PTPRN2: variants seen among roughly 807,000 people sequenced by gnomAD.
PTPRN2 encodes the protein protein tyrosine phosphatase receptor type N2, also known as receptor-type tyrosine-protein phosphatase N2.
Under a neutral mutation model 118.8 loss-of-function variants are expected in PTPRN2, and 74 were observed. That is an observed-to-expected ratio of 0.62 (90% CI 0.52 to 0.76). PTPRN2 has a LOEUF of 0.76. PTPRN2 is among the 30% of genes least tolerant of loss of function. The probability of loss-of-function intolerance (pLI) is 0.00; values close to 1 mark genes in which losing one functional copy is unlikely to be tolerated. For missense variants in PTPRN2, 1,481 were observed against 1,394.4 expected, an observed-to-expected ratio of 1.06 and a Z score of -0.99; for synonymous variants, 641 against 608.0, an observed-to-expected ratio of 1.05 and a Z score of -0.80.
intron 5 of PTPRN2, among the ~76,000 whole-genome samples, chr7:158,179,283 T>C (rs1200970272): frequency 1.3e-5 from 2 of 152,200 alleles, no homozygotes; most frequent in African/African-American, 4.8e-5. Context: ...TTTCATATGT[T>C]GTTGCCCATT....
At chr7:157,922,580 A>T (rs1397491832) in intron 11 of PTPRN2, among the ~76,000 whole-genome samples, 1 of 103,096 alleles carries the variant, frequency 9.7e-6, no homozygotes, top group Admixed American at 1.1e-4. Context: ...TGTTCTCTTT[A>T]GTTGGACACA....
At chr7:157,643,106 C>T (rs540226131) in intron 14 of PTPRN2, among the ~76,000 whole-genome samples, 35 of 152,310 alleles carry the variant, frequency 2.3e-4, no homozygotes, top group African/African-American at 7.5e-4. Flanking sequence ...GCACTTTCAA[C>T]TTACGATGGG....
intron 2 of PTPRN2, among the ~76,000 whole-genome samples, chr7:158,318,072 G>A (rs897325683): frequency 9.2e-5 from 14 of 152,130 alleles, no homozygotes; most frequent in African/African-American, 3.4e-4. Flanking sequence ...GCCGCCTCCT[G>A]TCCGAGAGCC....
At chr7:158,334,566 T>C (rs1359516348) in intron 2 of PTPRN2, among the ~76,000 whole-genome samples, 14 of 101,140 alleles carry the variant, frequency 1.4e-4, no homozygotes, top group South Asian at 3.7e-4. Context: ...CCATAAGAGC[T>C]CTCGCCCACA....
rs180794768 is a variant in PTPRN2 at position 157,696,048 on chromosome 7, C to T, written c.1789-13111G>A. On this transcript the variant is annotated intron_variant, in intron 12 of 22. Transcript: ENST00000389418. ...AGCCCTCACCATCTACCCATGCATACTGGGTCTTGGAAGAGCCCTCACCAT... is the reference window on the plus strand; with the variant it reads ...AGCCCTCACCATCTACCCATGCATATTGGGTCTTGGAAGAGCCCTCACCAT... Among the ~76,000 whole-genome samples the T allele has an allele frequency of 2.0e-3, 290 of 143,616 alleles. 1 individual carries two copies. The highest frequency in any genetic ancestry group is 7.3e-3 in the African/African-American group (277 of 37,840). The allele number at this position is 143,616 out of a possible 152,430, so 94.2% of individuals were successfully genotyped here. A position where few individuals can be genotyped will look rare whatever the true frequency, so the allele number is the denominator to read the frequency against.
intron 11 of PTPRN2, among the ~76,000 whole-genome samples, chr7:157,955,370 T>C (rs531451550): frequency 7.1e-4 from 108 of 152,088 alleles, no homozygotes; most frequent in Non-Finnish European, 1.5e-3. Flanking sequence ...GGGAGACCTA[T>C]CTAGAATGCT....
chr7:157,603,417 G>C lies in PTPRN2; in HGVS notation c.2418+585C>G, dbSNP rs367585514. On this transcript the variant is annotated intron_variant, in intron 16 of 22. Coordinates refer to ENST00000389418, the MANE Select transcript of PTPRN2 (RefSeq NM_002847.5). This position sits in a 1 kb window ranked among gnomAD's most constrained non-coding sequence, Gnocchi z 5.4. ...CAGGCCACAGGGACTCATAACTCAC[G>C]GCACAGGAGCTGCCACCACACTCGT... 6.6e-6 allele frequency among the ~76,000 whole-genome samples: 1 copy of C among 152,148 alleles called. No individual in the cohort carries two copies.
intron 17 of PTPRN2, among the ~76,000 whole-genome samples, chr7:157,588,984 G>A (rs146190182): frequency 1.6e-4 from 25 of 152,166 alleles, no homozygotes; most frequent in African/African-American, 4.3e-4. Context: ...ATAATTTACC[G>A]TTTGTAAGTG....
intron 17 of PTPRN2, among the ~76,000 whole-genome samples, chr7:157,594,362 CGCCCGGGCTGTGGATCGCCAGGAG>C (rs1353615136): frequency 6.6e-6 from 1 of 152,138 alleles, no homozygotes; most frequent in Non-Finnish European, 1.5e-5. Context: ...GCTGCACAGG[CGCCCGGGCTGTGGATCGCCAGGAG>C]GCCCGGGCTT....
chr7:157,998,231 C>T (rs1211778170), intron 11 of PTPRN2, among the ~76,000 whole-genome samples: 2 of 152,200 alleles, frequency 1.3e-5, no homozygotes, highest in East Asian at 1.9e-4. Flanking sequence ...AGCCTCAGAG[C>T]TCTACTTTTA....
At chr7:158,541,644 T>C in intron 1 of PTPRN2, 1 of 1,346,304 alleles carries the variant, frequency 7.4e-7, no homozygotes, top group Non-Finnish European at 9.8e-7. Context: ...AAAATCTGGC[T>C]ATAATTCTAC....
intron 12 of PTPRN2, among the ~76,000 whole-genome samples, chr7:157,792,268 C>A (rs930074151): frequency 1.3e-5 from 2 of 152,254 alleles, no homozygotes; most frequent in Admixed American, 6.5e-5. Flanking sequence ...AGAGGCCAGG[C>A]GCCCGCAGCG....
chr7:157,733,087 T>C (rs1223681163), intron 12 of PTPRN2, among the ~76,000 whole-genome samples: 2 of 28,772 alleles, frequency 7.0e-5, no homozygotes, highest in Admixed American at 3.4e-4. Context: ...TACTCTTCCG[T>C]CCCATGCGCC....
At chr7:158,111,204 A>G (rs1816237498) in intron 9 of PTPRN2, among the ~76,000 whole-genome samples, 1 of 152,244 alleles carries the variant, frequency 6.6e-6, no homozygotes, top group Non-Finnish European at 1.5e-5. Context: ...GAGAAGGGAC[A>G]GGCAGGTGCG....
At chr7:158,149,599 T>A (rs1286701832) in intron 6 of PTPRN2, among the ~76,000 whole-genome samples, 1 of 152,098 alleles carries the variant, frequency 6.6e-6, no homozygotes, top group Non-Finnish European at 1.5e-5. Context: ...GGTCAGGAGT[T>A]CGAGACCAGC....
chr7:157,776,515 C>T (rs1803279229), intron 12 of PTPRN2, among the ~76,000 whole-genome samples: 3 of 134,402 alleles, frequency 2.2e-5, no homozygotes, highest in Non-Finnish European at 4.8e-5. Context: ...TCCTCCCTCT[C>T]CTTCTCCCTC....
chr7:158,291,315 C>T (rs532753420), intron 3 of PTPRN2, among the ~76,000 whole-genome samples: 4 of 152,282 alleles, frequency 2.6e-5, no homozygotes, highest in South Asian at 2.1e-4. Context: ...TGATACTATC[C>T]ACTCTTCCCT....
intron 1 of PTPRN2, among the ~76,000 whole-genome samples, chr7:158,583,853 G>T (rs1242948784): frequency 6.6e-6 from 1 of 152,158 alleles, no homozygotes; most frequent in Non-Finnish European, 1.5e-5. Flanking sequence ...GGGACAGGTT[G>T]CTCATTACCA....
chr7:157,713,608 C>T (rs1388738670), intron 12 of PTPRN2, among the ~76,000 whole-genome samples: 1 of 152,194 alleles, frequency 6.6e-6, no homozygotes, highest in Admixed American at 6.5e-5. Context: ...ACTGATACGG[C>T]CTAGGATCTC....
Sources: allele counts gnomAD v4.1 joint callset (sites outside exome capture counted in the v4.1 genomes callset), GRCh38; gene constraint gnomAD v4.1.1; non-coding constraint Gnocchi (gnomAD v3.1); transcripts MANE v1.5; gene names NCBI Gene and HGNC (gene_info 2026-07-23, HGNC 2026-07-21).